ZNF207: variants seen among roughly 807,000 people sequenced by gnomAD.
ZNF207 encodes zinc finger protein 207, also known as BUB3-interacting and GLEBS motif-containing protein ZNF207.
Under a neutral mutation model 60.2 loss-of-function variants are expected in ZNF207, and 24 were observed. The observed-to-expected ratio is 0.40, with a 90% CI of 0.29 to 0.56. The LOEUF (loss-of-function observed/expected upper bound fraction) is 0.56. ZNF207 is among the 20% of genes least tolerant of loss of function. The pLI, the probability that ZNF207 is intolerant of heterozygous loss-of-function variation, is 0.49. For synonymous variants in ZNF207, 236 were observed against 194.7 expected (o/e 1.21, Z -1.77); for missense variants, 452 against 636.6 (o/e 0.71, Z 3.12).
chr17:32,373,764 G>A lies in ZNF207; in HGVS notation c.*4005G>A, dbSNP rs1905563004. 1 of 221,678 alleles carries A rather than the reference G, an allele frequency of 4.5e-6. No homozygotes were observed. The highest frequency in any genetic ancestry group is 1.8e-4 in the South Asian group (1 of 5,498). 13.7% of individuals were successfully genotyped at this position (221,678 alleles called of 1,614,324 possible). A position where few individuals can be genotyped will look rare whatever the true frequency, so the allele number is the denominator to read the frequency against. ...ACAAAATTTGATATTTTTGATTGGAGGCAAGAAATGTTTCATTCAAGTTTT... is the reference window on the plus strand; with the variant it reads ...ACAAAATTTGATATTTTTGATTGGAAGCAAGAAATGTTTCATTCAAGTTTT... On this transcript the variant is annotated 3_prime_UTR_variant, in exon 12 of 12. Coordinates refer to ENST00000394670, the MANE Select transcript of ZNF207 (RefSeq NM_001098507.2).
chr17:32,352,919 GTAATCCCA>G (rs1325248162), intron 2 of ZNF207, among the ~76,000 whole-genome samples: 20 of 152,250 alleles, frequency 1.3e-4, no homozygotes, highest in South Asian at 4.1e-4. Flanking sequence ...GCTCACGCCT[GTAATCCCA>G]GCGCTTTGGG....
intron 7 of ZNF207, 124 bp from the exon 8 acceptor site, chr17:32,365,205 TA>T: frequency 9.3e-7 from 1 of 1,076,078 alleles, no homozygotes; most frequent in Non-Finnish European, 1.3e-6. Context: ...GGCAAATGCC[TA>T]AGTTCCTTGG....
rs1905830785 is a variant in ZNF207, at chr17:32,380,268, T to G, written c.*10509T>G. 6.6e-6 allele frequency: 1 copy of G among 152,670 alleles called. No homozygotes were observed. Among genetic ancestry groups the G allele is most frequent in the Admixed American group, 6.5e-5 (1 of 15,288 alleles). 9.5% of individuals were successfully genotyped at this position (152,670 alleles called of 1,614,324 possible). A position where few individuals can be genotyped will look rare whatever the true frequency, so the allele number is the denominator to read the frequency against. ...AAATTTCCGTAATATAAGGTAATGT[T>G]TAAAAGTGAGCAATAATTATTGCAT... On this transcript the variant is annotated 3_prime_UTR_variant, in exon 12 of 12. Coordinates refer to ENST00000394670, the MANE Select transcript of ZNF207 (RefSeq NM_001098507.2).
chr17:32,361,434 A>G, intron 5 of ZNF207, 34 bp from the exon 6 acceptor site: 1 of 1,587,168 alleles, frequency 6.3e-7, no homozygotes. Context: ...TGAAAATCAC[A>G]GTTAGATTTT....
chr17:32,360,500 G>A (rs1308578542), intron 3 of ZNF207, 98 bp from the exon 4 acceptor site: 2 of 1,187,984 alleles, frequency 1.7e-6, no homozygotes, highest in Non-Finnish European at 1.2e-6. Flanking sequence ...AAAATCTCAT[G>A]AAGTAATTTT....
In ZNF207 at chr17:32,366,719, T is replaced by C. The variant is rs1249589278; in HGVS notation, c.883T>C (p.Ser295Pro). ...AGCTTCATCCAATTCAGAAAGTCTGTCTGCATCTTCTAAAGCTCTGTTTCC... is the reference window on the plus strand; with the variant it reads ...AGCTTCATCCAATTCAGAAAGTCTGCCTGCATCTTCTAAAGCTCTGTTTCC... ...STASSNSESL[S>P]ASSKALFPST... The change falls in exon 9 of 12, where the codon TCT (serine) becomes CCT (proline). Residue 295 changes from serine (S) to proline (P), a missense_variant. Ser to Pro is a moderately conservative substitution (Grantham distance 74). This residue lies in a region of ZNF207 where 390 missense variants were observed against 461.4 expected (regional missense o/e 0.85). Coordinates refer to ENST00000394670, the MANE Select transcript of ZNF207 (RefSeq NM_001098507.2). The C allele has an allele frequency of 3.7e-6, 6 of 1,611,760 alleles. No homozygotes were observed. The highest frequency in any genetic ancestry group is 5.1e-6 in the Non-Finnish European group (6 of 1,179,278).
rs1202771740 is a variant in ZNF207, at chr17:32,377,460, C to T, written c.*7701C>T. On this transcript the variant is annotated 3_prime_UTR_variant, in exon 12 of 12. Coordinates refer to ENST00000394670, the MANE Select transcript of ZNF207 (RefSeq NM_001098507.2). The stretch of plus-strand genomic sequence containing the variant: ...TGAGCAAAGCCCCCTTTTACCTGTT[C>T]GCTTATTCAAAGAGAAACAATAGAA... 1 of 151,840 alleles carries T rather than the reference C, an allele frequency of 6.6e-6. No homozygotes were observed. The highest frequency in any genetic ancestry group is 2.4e-5 in the African/African-American group (1 of 41,386). 9.4% of individuals were successfully genotyped at this position (151,840 alleles called of 1,614,324 possible).
intron 3 of ZNF207, among the ~76,000 whole-genome samples, chr17:32,359,889 A>G (rs548333705): frequency 6.6e-6 from 1 of 152,304 alleles, no homozygotes; most frequent in South Asian, 2.1e-4. Flanking sequence ...TCCTATTTAG[A>G]TAAATCGATT....
At position 32,367,259 on chromosome 17, in the gene ZNF207, ATATATATATATATATATATATAT is replaced by A. The variant is rs1567824891; in HGVS notation, c.921+503_922-490del. Reference sequence around the variant, plus strand: ...GGGGATTATATATATATATATATATATATATATATATATATATATATATATAAAGAATACTACTAAAGGATGTA... The same window carrying A: ...GGGGATTATATATATATATATATATAATAAAGAATACTACTAAAGGATGTA... On this transcript the variant is annotated intron_variant, in intron 9 of 11. Transcript: ENST00000394670. 1.5e-4 allele frequency among the ~76,000 whole-genome samples: 16 copies of A among 109,876 alleles called. No homozygotes were observed. In the East Asian group the frequency reaches 3.0e-3, roughly 21 times the overall value. The allele number at this position is 109,876 out of a possible 152,430, so 72.1% of individuals were successfully genotyped here.
rs1255756898 is a variant in ZNF207 at position 32,372,036 on chromosome 17, C to T, written c.*2277C>T. The stretch of plus-strand genomic sequence containing the variant: ...GTGTGATAGGCCGGGCGCAGTGGCT[C>T]ACGCCTGTAATCCCAGCACTTTGGG... On this transcript the variant is annotated 3_prime_UTR_variant, in exon 12 of 12. Coordinates refer to ENST00000394670, the MANE Select transcript of ZNF207 (RefSeq NM_001098507.2). 6.6e-6 allele frequency: 1 copy of T among 152,362 alleles called. No individual in the cohort carries two copies. Among genetic ancestry groups the T allele is most frequent in the Non-Finnish European group, 1.5e-5 (1 of 68,174 alleles). 9.4% of individuals were successfully genotyped at this position (152,362 alleles called of 1,614,324 possible).
intron 2 of ZNF207, among the ~76,000 whole-genome samples, chr17:32,352,301 G>A (rs1351783670): frequency 6.6e-6 from 1 of 151,824 alleles, no homozygotes; most frequent in Non-Finnish European, 1.5e-5. Flanking sequence ...TCTGACAACT[G>A]TAGTTTTGTT....
At chr17:32,357,345 ATTATTATTTTTT>A (rs1020134130) in intron 2 of ZNF207, among the ~76,000 whole-genome samples, 9 of 65,006 alleles carry the variant, frequency 1.4e-4, no homozygotes, top group East Asian at 9.4e-4. Context: ...TATTATTATT[ATTATTATTTTTT>A]TTTTTTTTTG....
chr17:32,357,200 A>G (rs557771831), intron 2 of ZNF207, among the ~76,000 whole-genome samples: 1 of 150,028 alleles, frequency 6.7e-6, no homozygotes, highest in East Asian at 1.9e-4. Flanking sequence ...AAAAAAGTAA[A>G]ATGCCTCACG....
chr17:32,357,802 A>AT lies in ZNF207; in HGVS notation c.169-691dup, dbSNP rs1055621415. 7.4e-3 allele frequency among the ~76,000 whole-genome samples: 1,100 copies of AT among 148,516 alleles called. 12 individuals are homozygous for AT. Among genetic ancestry groups the AT allele is most frequent in the African/African-American group, 0.023 (946 of 40,428 alleles). ...GGGTGTGCACCACCACGCCCTGCTA[A>AT]TTTTTTTTTTGTTTTTTTTGAGGGA... On this transcript the variant is annotated intron_variant, in intron 2 of 11. Coordinates refer to ENST00000394670, the MANE Select transcript of ZNF207 (RefSeq NM_001098507.2).
At chr17:32,357,036 G>A (rs1904545599) in intron 2 of ZNF207, among the ~76,000 whole-genome samples, 1 of 151,994 alleles carries the variant, frequency 6.6e-6, no homozygotes, top group East Asian at 1.9e-4. Context: ...ACAAAAATTA[G>A]CCAGGCATGG....
intron 2 of ZNF207, among the ~76,000 whole-genome samples, chr17:32,354,737 T>C (rs1904405524): frequency 1.3e-5 from 2 of 151,928 alleles, no homozygotes; most frequent in Non-Finnish European, 2.9e-5. Context: ...CCTCAGCCTC[T>C]CGAGTAGCTG....
rs1156887453 is a variant in ZNF207, at chr17:32,372,069, G to A, written c.*2310G>A. The A allele has an allele frequency of 1.3e-5, 2 of 152,130 alleles. No homozygotes were observed. The highest frequency in any genetic ancestry group is 2.4e-5 in the African/African-American group (1 of 41,454). The allele number at this position is 152,130 out of a possible 1,614,324, so 9.4% of individuals were successfully genotyped here. A position where few individuals can be genotyped will look rare whatever the true frequency, so the allele number is the denominator to read the frequency against. The stretch of plus-strand genomic sequence containing the variant: ...TAATCCCAGCACTTTGGGAGGCCCA[G>A]GCGGGTGGATCATGAGGTCAGGAGA... On this transcript the variant is annotated 3_prime_UTR_variant, in exon 12 of 12. Coordinates refer to ENST00000394670, the MANE Select transcript of ZNF207 (RefSeq NM_001098507.2).
At chr17:32,356,475 T>C (rs896056838) in intron 2 of ZNF207, among the ~76,000 whole-genome samples, 1 of 152,220 alleles carries the variant, frequency 6.6e-6, no homozygotes, top group African/African-American at 2.4e-5. Flanking sequence ...CAATCAGATA[T>C]TAAGATAATT....
At chr17:32,367,705 T>G in intron 9 of ZNF207, 67 bp from the exon 10 acceptor site, 2 of 1,568,466 alleles carry the variant, frequency 1.3e-6, no homozygotes, top group Non-Finnish European at 1.7e-6. Flanking sequence ...TGTTTTAAGT[T>G]AAACTGTTGT....
Sources: gnomAD v4.1 joint callset for allele counts (sites outside exome capture counted in the v4.1 genomes callset) on GRCh38, gnomAD v4.1.1 for gene constraint, gnomAD v4.1.1 regional missense constraint, MANE v1.5 for transcripts, NCBI Gene and HGNC (gene_info 2026-07-23, HGNC 2026-07-21) for gene names.